The following ATAD2B variants were observed in gnomAD, a reference collection of about 807,000 sequenced individuals.
ATAD2B encodes the protein ATPase family AAA domain-containing protein 2B.
ATAD2B carries 40 observed loss-of-function variants against 167.6 expected under a neutral mutation model. The ratio of observed to expected loss-of-function variants is 0.24; its 90% CI spans 0.19 to 0.31. The LOEUF (loss-of-function observed/expected upper bound fraction) is 0.31. Ranked by LOEUF, ATAD2B falls within the 10% of genes least tolerant of loss-of-function variation. The pLI is 1.00. For missense variants in ATAD2B, 1,242 were observed against 1,757.2 expected, an observed-to-expected ratio of 0.71 and a Z score of 5.24; for synonymous variants, 579 against 596.5, an observed-to-expected ratio of 0.97 and a Z score of 0.43.
intron 1 of ATAD2B, among the ~76,000 whole-genome samples, chr2:23,918,701 C>G (rs1327139521): frequency 6.6e-6 from 1 of 152,170 alleles, no homozygotes; most frequent in Non-Finnish European, 1.5e-5. Context: ...CAGTATACAA[C>G]AGCTGCCACC....
the ATAD2B span, among the ~76,000 whole-genome samples, chr2:23,734,270 C>T: frequency 1.3e-5 from 2 of 152,164 alleles, no homozygotes; most frequent in Non-Finnish European, 2.9e-5. Flanking sequence ...GATTCTCCTC[C>T]CTCAGTCTCC....
chr2:23,734,014 A>T, the ATAD2B span, among the ~76,000 whole-genome samples: 1 of 151,870 alleles, frequency 6.6e-6, no homozygotes, highest in Admixed American at 6.6e-5. Flanking sequence ...TTTTTATTGC[A>T]TTCTTTCATT....
chr2:23,876,299 CT>C lies in ATAD2B; in HGVS notation c.902-396del, dbSNP rs200417329. On this transcript the variant is annotated intron_variant, in intron 7 of 27. Transcript: ENST00000238789. ...GAGCCACCGGGCCCAGCCCTGTTAA[CT>C]TTTTTTTCTTTTTTTTTTTGATACA... Among the ~76,000 whole-genome samples the C allele has an allele frequency of 4.1e-3, 584 of 142,340 alleles. 5 individuals carry two copies. Among genetic ancestry groups the C allele is most frequent in the African/African-American group, 0.015 (558 of 38,262 alleles). 93.4% of individuals were successfully genotyped at this position (142,340 alleles called of 152,430 possible).
chr2:23,780,167 G>A (rs1572717412), intron 22 of ATAD2B, among the ~76,000 whole-genome samples: 1 of 152,082 alleles, frequency 6.6e-6, no homozygotes, highest in East Asian at 1.9e-4. Context: ...AGGATTGCTT[G>A]AGCCCAGGAG....
intron 12 of ATAD2B, 143 bp from the exon 13 acceptor site, chr2:23,857,646 C>T: frequency 2.5e-6 from 1 of 397,908 alleles, no homozygotes; most frequent in East Asian, 4.3e-5. Context: ...AATCTTACCA[C>T]CCAGTTTCCA....
the ATAD2B span, chr2:23,691,048 T>C: frequency 6.5e-6 from 1 of 153,714 alleles, no homozygotes; most frequent in African/African-American, 2.4e-5. Flanking sequence ...CTCCCGGCTC[T>C]CACCATTCTG....
intron 24 of ATAD2B, among the ~76,000 whole-genome samples, chr2:23,758,728 C>T (rs1445449657): frequency 6.6e-6 from 1 of 152,156 alleles, no homozygotes; most frequent in Non-Finnish European, 1.5e-5. Context: ...ACAGTTCACC[C>T]AGCAGCATCA....
chr2:23,909,436 A>G (rs1701943950), intron 1 of ATAD2B, among the ~76,000 whole-genome samples: 1 of 147,068 alleles, frequency 6.8e-6, no homozygotes, highest in Admixed American at 6.8e-5. Flanking sequence ...ACATACATAC[A>G]TACATATATA....
the ATAD2B span, among the ~76,000 whole-genome samples, chr2:23,728,864 T>G: frequency 6.6e-6 from 1 of 152,218 alleles, no homozygotes; most frequent in Non-Finnish European, 1.5e-5. Flanking sequence ...CACACTACTA[T>G]AAAGAAATAC....
chr2:23,680,372 GA>G, the ATAD2B span, among the ~76,000 whole-genome samples: 29 of 152,170 alleles, frequency 1.9e-4, no homozygotes, highest in African/African-American at 7.0e-4. The surrounding 1 kb of genome is among the most constrained non-coding windows in gnomAD (Gnocchi z 4.1). Flanking sequence ...AGGAAGTGGG[GA>G]AAGGGGCAAA....
At chr2:23,774,408 T>G (rs571655690) in intron 22 of ATAD2B, among the ~76,000 whole-genome samples, 2 of 152,214 alleles carry the variant, frequency 1.3e-5, no homozygotes, top group East Asian at 3.9e-4. Context: ...TGAGCCATGA[T>G]CATGCCACTG....
chr2:23,727,714 T>C, the ATAD2B span, among the ~76,000 whole-genome samples: 7 of 152,248 alleles, frequency 4.6e-5, no homozygotes, highest in Admixed American at 4.6e-4. Context: ...ATCCATACAA[T>C]GGAATATTGC....
At chr2:23,808,609 A>C (rs186279591) in intron 18 of ATAD2B, among the ~76,000 whole-genome samples, 32 of 152,234 alleles carry the variant, frequency 2.1e-4, no homozygotes, top group African/African-American at 7.7e-4. Context: ...TGTCCACCTT[A>C]TGGAATTTCT....
the ATAD2B span, among the ~76,000 whole-genome samples, chr2:23,709,795 G>C: frequency 6.6e-6 from 1 of 152,204 alleles, no homozygotes; most frequent in Non-Finnish European, 1.5e-5. Flanking sequence ...ATGTCTAGAG[G>C]ATGCCAATCA....
chr2:23,686,483 C>G, the ATAD2B span, among the ~76,000 whole-genome samples: 1 of 152,068 alleles, frequency 6.6e-6, no homozygotes, highest in Non-Finnish European at 1.5e-5. Context: ...AAGTGATGCC[C>G]AGGTCTCCTT....
the ATAD2B span, among the ~76,000 whole-genome samples, chr2:23,740,423 G>C: frequency 1.3e-5 from 2 of 151,438 alleles, no homozygotes; most frequent in Non-Finnish European, 2.9e-5. Context: ...ATGTAATCCA[G>C]CATATAAACA....
intron 17 of ATAD2B, among the ~76,000 whole-genome samples, chr2:23,818,960 A>T (rs907658288): frequency 6.6e-6 from 1 of 152,224 alleles, no homozygotes; most frequent in African/African-American, 2.4e-5. Context: ...GTTTCTAGAA[A>T]ATCAAAAAGT....
chr2:23,897,498 A>G (rs907818026), intron 1 of ATAD2B, among the ~76,000 whole-genome samples: 2 of 152,192 alleles, frequency 1.3e-5, no homozygotes, highest in Non-Finnish European at 2.9e-5. Context: ...ATCTAATTCC[A>G]TCATTCCTTC....
intron 13 of ATAD2B, among the ~76,000 whole-genome samples, chr2:23,835,890 C>T (rs970947475): frequency 3.1e-4 from 47 of 151,364 alleles, no homozygotes; most frequent in African/African-American, 1.1e-3. Flanking sequence ...GAGCTGAAGT[C>T]GCACCATTGT....
Sources: gnomAD v4.1 joint callset for allele counts (sites outside exome capture counted in the v4.1 genomes callset) on GRCh38, gnomAD v4.1.1 for gene constraint, Gnocchi (gnomAD v3.1) non-coding constraint, MANE v1.5 for transcripts, NCBI Gene and HGNC (gene_info 2026-07-23, HGNC 2026-07-21) for gene names.